The following ACSM1 variants were observed in gnomAD, a reference collection of about 807,000 sequenced individuals.
The protein encoded by ACSM1 is acyl-coenzyme A synthetase ACSM1, mitochondrial.
ACSM1 carries 79 observed loss-of-function variants against 75.8 expected under a neutral mutation model. The observed-to-expected ratio is 1.04, with a 90% confidence interval of 0.87 to 1.26. The LOEUF (loss-of-function observed/expected upper bound fraction) is 1.26, where lower values mean the gene tolerates loss of function less well. ACSM1 is among the 50% of genes most tolerant of loss of function. ACSM1 has a pLI of 0.00. For missense variants in ACSM1, 676 were observed against 720.1 expected, an observed-to-expected ratio of 0.94 and a Z score of 0.70; for synonymous variants, 279 against 265.8, an observed-to-expected ratio of 1.05 and a Z score of -0.48.
intron 2 of ACSM1, 75 bp from the exon 3 acceptor site, chr16:20,685,478 A>G (rs2079531257): frequency 1.5e-6 from 2 of 1,356,360 alleles, no homozygotes; most frequent in Middle Eastern, 1.8e-4. Flanking sequence ...ATCCACAGCC[A>G]TAGTCACGTT....
At chr16:20,683,306 T>G (rs2079484191) in intron 3 of ACSM1, among the ~76,000 whole-genome samples, 1 of 151,938 alleles carries the variant, frequency 6.6e-6, no homozygotes, top group South Asian at 2.1e-4. Flanking sequence ...ATTATTATTT[T>G]TAGTAGAGAT....
chr16:20,671,218 T>C (rs2019875007), intron 5 of ACSM1, among the ~76,000 whole-genome samples: 1 of 152,256 alleles, frequency 6.6e-6, no homozygotes, highest in East Asian at 1.9e-4. Flanking sequence ...GTCATGTGTG[T>C]GGCATCTGGA....
At chr16:20,664,373 A>C (rs779277899) in intron 6 of ACSM1, among the ~76,000 whole-genome samples, 6 of 152,124 alleles carry the variant, frequency 3.9e-5, no homozygotes, top group Non-Finnish European at 8.8e-5. Flanking sequence ...TCAGATAAAA[A>C]CAGACTTTAA....
rs1301399362 is a variant in ACSM1 at position 20,663,955 on chromosome 16, T to C, written c.913-2082A>G. Among the ~76,000 whole-genome samples the C allele has an allele frequency of 2.6e-5, 4 of 152,012 alleles. No homozygotes were observed. The East Asian group carries it at 7.8e-4, about 29-fold the overall frequency. ...TTCCCAGAAATTGGCACTTAGTAGGTGTTCATCAAATGTGGGCTCTGGCTA... is the reference window on the plus strand; with the variant it reads ...TTCCCAGAAATTGGCACTTAGTAGGCGTTCATCAAATGTGGGCTCTGGCTA... On this transcript the variant is annotated intron_variant, in intron 6 of 13. Coordinates refer to ENST00000520010, the MANE Select transcript of ACSM1 (RefSeq NM_001318890.3).
intron 7 of ACSM1, among the ~76,000 whole-genome samples, chr16:20,653,267 G>A (rs1175350370): frequency 4.6e-5 from 7 of 152,048 alleles, no homozygotes; most frequent in Non-Finnish European, 7.4e-5. Flanking sequence ...AATAATAAGA[G>A]CTATTTATGA....
chr16:20,692,120 C>T (rs1596478514), intron 1 of ACSM1, among the ~76,000 whole-genome samples: 1 of 152,080 alleles, frequency 6.6e-6, no homozygotes, highest in South Asian at 2.1e-4. Flanking sequence ...AAATATACAC[C>T]ATCATCCTCA....
chr16:20,690,287 G>A (rs1356361977), intron 2 of ACSM1, among the ~76,000 whole-genome samples: 1 of 152,232 alleles, frequency 6.6e-6, no homozygotes, highest in East Asian at 1.9e-4. Flanking sequence ...GCAGCTGGGA[G>A]TTAGTGGCTA....
chr16:20,681,093 C>A (rs912527080), intron 4 of ACSM1: 71 of 152,284 alleles, frequency 4.7e-4, no homozygotes, highest in African/African-American at 1.6e-3. Flanking sequence ...TATTGGCCAG[C>A]TACCTGGGTG....
chr16:20,631,662 A>G (rs1219713996), intron 10 of ACSM1, among the ~76,000 whole-genome samples: 2 of 152,242 alleles, frequency 1.3e-5, no homozygotes, highest in Non-Finnish European at 2.9e-5. Flanking sequence ...TGGTATATAT[A>G]CACCATGGGA....
intron 7 of ACSM1, among the ~76,000 whole-genome samples, chr16:20,657,267 GTTGGGTTTGTTTTT>G (rs532753010): frequency 0.01 from 1,542 of 151,894 alleles, 35 homozygotes; most frequent in African/African-American, 0.035. Flanking sequence ...TGGTTCTATT[GTTGGGTTTGTTTTT>G]TTGGGTTTGT....
At position 20,648,526 on chromosome 16, in the gene ACSM1, T is replaced by TACC. The variant is rs2018477917; in HGVS notation, c.993-7945_993-7943dup. Among the ~76,000 whole-genome samples the TACC allele has an allele frequency of 1.3e-5, 2 of 152,172 alleles. No individual in the cohort carries two copies. On this transcript the variant is annotated intron_variant, in intron 7 of 13. Transcript: ENST00000520010. The surrounding 1 kb of genome is among the most constrained non-coding windows in gnomAD (Gnocchi z 4.2). ...CATGATGGAAATGGGTGGTTGGATG[T>TACC]ACCTCATTATACCCTCCTTCCTTTG...
chr16:20,670,257 T>C (rs191994602), intron 5 of ACSM1, among the ~76,000 whole-genome samples: 2 of 152,310 alleles, frequency 1.3e-5, no homozygotes, highest in East Asian at 1.9e-4. Context: ...TCCCTATCCA[T>C]GAAACTGTCC....
At chr16:20,635,861 G>A (rs369380767) in intron 10 of ACSM1, among the ~76,000 whole-genome samples, 2 of 151,936 alleles carry the variant, frequency 1.3e-5, no homozygotes, top group East Asian at 1.9e-4. Flanking sequence ...GGCTGGTTTC[G>A]AACTCCTGAC....
At chr16:20,684,505 A>G (rs946941752) in intron 3 of ACSM1, among the ~76,000 whole-genome samples, 20 of 152,246 alleles carry the variant, frequency 1.3e-4, no homozygotes, top group African/African-American at 4.6e-4. Flanking sequence ...TGTCCTTGCA[A>G]TTCTCCTGCC....
intron 7 of ACSM1, among the ~76,000 whole-genome samples, chr16:20,643,545 C>T (rs182052224): frequency 2.0e-5 from 3 of 152,210 alleles, no homozygotes; most frequent in East Asian, 3.9e-4. Context: ...TGCAGACCCT[C>T]GTGGTGAGTG....
rs766922435 is a variant in ACSM1 at position 20,682,338 on chromosome 16, A to G, written c.529T>C (p.Ser177Pro). Residue 177 changes from serine (S) to proline (P), a missense_variant, in exon 4 of 14, where the codon TCT becomes CCT. Ser to Pro is a moderately conservative substitution (Grantham distance 74). Transcript: ENST00000520010. ...ALASEVDSIA[S>P]QCPSLKTKLL... is the part of the protein sequence containing the mutation. ...TTGGTTTTCAGAGAGGGGCACTGAG[A>G]AGCTATGGAGTCCACCTCTGAGGCA... is the stretch of plus-strand genomic sequence containing the variant. 1.2e-6 allele frequency: 2 copies of G among 1,614,074 alleles called. No individual in the cohort carries two copies. The highest frequency in any genetic ancestry group is 2.2e-5 in the South Asian group (2 of 91,086).
Position 20,624,216 on chromosome 16 carries a change from C to A in ACSM1, c.1528-1G>T. On this transcript the variant is annotated splice_acceptor_variant, in intron 12 of 13. Coordinates refer to ENST00000520010, the MANE Select transcript of ACSM1 (RefSeq NM_001318890.3). LOFTEE classifies it high-confidence loss of function. ...TCAGGACAATAAAGGCCTTCACCACCTGCAGAATGAAGTCATGGGCTCACA... is the reference window on the plus strand; with the variant it reads ...TCAGGACAATAAAGGCCTTCACCACATGCAGAATGAAGTCATGGGCTCACA... 1.2e-6 allele frequency: 2 copies of A among 1,606,792 alleles called. No homozygotes were observed. Among genetic ancestry groups the A allele is most frequent in the Admixed American group, 3.4e-5 (2 of 59,598 alleles).
intron 10 of ACSM1, among the ~76,000 whole-genome samples, chr16:20,630,311 T>G (rs2017269584): frequency 2.0e-5 from 3 of 151,990 alleles, no homozygotes; most frequent in Admixed American, 2.0e-4. Flanking sequence ...GGTCTCAAAC[T>G]CCTGACCTCA....
At chr16:20,649,094 T>C (rs1002826545) in intron 7 of ACSM1, among the ~76,000 whole-genome samples, 1 of 152,222 alleles carries the variant, frequency 6.6e-6, no homozygotes, top group African/African-American at 2.4e-5. Flanking sequence ...ATCTGGCTCA[T>C]GTCAGTGATT....
Sources: gnomAD v4.1 joint callset for allele counts (sites outside exome capture counted in the v4.1 genomes callset) on GRCh38, gnomAD v4.1.1 for gene constraint, Gnocchi (gnomAD v3.1) non-coding constraint, MANE v1.5 for transcripts, NCBI Gene and HGNC (gene_info 2026-07-23, HGNC 2026-07-21) for gene names.